TYW1: variants seen among roughly 807,000 people sequenced by gnomAD.
TYW1 encodes S-adenosyl-L-methionine-dependent tRNA 4-demethylwyosine synthase TYW1.
Under a neutral mutation model 96.2 loss-of-function variants are expected in TYW1, and 46 were observed. That is an observed-to-expected ratio of 0.48 (90% CI 0.38 to 0.61). The LOEUF (loss-of-function observed/expected upper bound fraction) is 0.61, where lower values mean the gene tolerates loss of function less well. Among genes scored for constraint, TYW1 ranks in the 20% least tolerant of loss-of-function variants. The pLI is 0.00. For missense variants in TYW1, 684 were observed against 909.6 expected, an observed-to-expected ratio of 0.75 and a Z score of 3.19; for synonymous variants, 274 against 323.0, an observed-to-expected ratio of 0.85 and a Z score of 1.63.
intron 11 of TYW1, among the ~76,000 whole-genome samples, chr7:67,096,139 C>T (rs1796904506): frequency 6.6e-6 from 1 of 152,150 alleles, no homozygotes; most frequent in Non-Finnish European, 1.5e-5. Flanking sequence ...CCTGTAATCC[C>T]AGCACTTTGG....
At chr7:67,072,941 T>G (rs1256748152) in intron 10 of TYW1, among the ~76,000 whole-genome samples, 2 of 110,140 alleles carry the variant, frequency 1.8e-5, no homozygotes, top group East Asian at 2.1e-4. Context: ...CCAGTTTTTT[T>G]TTTTTTTTTT....
intron 9 of TYW1, among the ~76,000 whole-genome samples, chr7:67,058,921 T>G (rs1795611952): frequency 6.6e-6 from 1 of 152,146 alleles, no homozygotes; most frequent in Non-Finnish European, 1.5e-5. Flanking sequence ...TGAAGACTTT[T>G]GTCAACCTGA....
chr7:67,237,368 C>T (rs4718494), intron 15 of TYW1, among the ~76,000 whole-genome samples: 40,448 of 151,620 alleles, frequency 0.27, 5,687 homozygotes, highest in African/African-American at 0.36. Context: ...GGTGTGCTGG[C>T]AGGAGCCAGT....
At chr7:67,237,818 A>G (rs1385038690) in intron 15 of TYW1, among the ~76,000 whole-genome samples, 1 of 152,196 alleles carries the variant, frequency 6.6e-6, no homozygotes, top group Non-Finnish European at 1.5e-5. Flanking sequence ...TTAGGCCAGA[A>G]AAGCTAGTTT....
At chr7:67,115,673 CT>C (rs1288814072) in intron 12 of TYW1, among the ~76,000 whole-genome samples, 2 of 152,070 alleles carry the variant, frequency 1.3e-5, no homozygotes, top group African/African-American at 2.4e-5. Flanking sequence ...TAATATCTGC[CT>C]GTGTGGCTGG....
chr7:67,224,549 T>A (rs1801496645), intron 15 of TYW1, among the ~76,000 whole-genome samples: 1 of 152,242 alleles, frequency 6.6e-6, no homozygotes, highest in African/African-American at 2.4e-5. Flanking sequence ...AACTTAGCCT[T>A]CTTTTTTCTC....
At chr7:67,029,413 G>GTATATATATATATA (rs1430069945) in intron 7 of TYW1, among the ~76,000 whole-genome samples, 1 of 93,456 alleles carries the variant, frequency 1.1e-5, no homozygotes, top group African/African-American at 3.8e-5. Flanking sequence ...GTGTGTGTGT[G>GTATATATATATATA]TGTATATATA....
intron 12 of TYW1, among the ~76,000 whole-genome samples, chr7:67,099,728 C>T (rs1325927096): frequency 4.6e-5 from 7 of 152,172 alleles, no homozygotes; most frequent in African/African-American, 9.7e-5. Context: ...TTAAGCCAGG[C>T]GCGGTGGCTC....
chr7:67,051,723 TG>T (rs1562985903), intron 8 of TYW1, among the ~76,000 whole-genome samples: 21 of 136,312 alleles, frequency 1.5e-4, no homozygotes, highest in South Asian at 1.4e-3. Flanking sequence ...GGACTGTTTT[TG>T]TTTTTTTGTT....
chr7:67,071,005 C>A (rs1349000222), intron 10 of TYW1, among the ~76,000 whole-genome samples: 1 of 151,812 alleles, frequency 6.6e-6, no homozygotes. Flanking sequence ...GTGGTGGGCG[C>A]CTGTAGTCCC....
chr7:66,997,105 C>T, intron 1 of TYW1, 123 bp downstream of exon 1: 2 of 1,544,088 alleles, frequency 1.3e-6, no homozygotes, highest in Non-Finnish European at 1.8e-6. Flanking sequence ...CACTTGACAG[C>T]ACCGGCTAGT....
At chr7:67,008,167 C>T (rs1170766743) in intron 3 of TYW1, among the ~76,000 whole-genome samples, 1 of 152,100 alleles carries the variant, frequency 6.6e-6, no homozygotes, top group Non-Finnish European at 1.5e-5. Flanking sequence ...AATGGAAGAG[C>T]TGCACAGGGC....
intron 13 of TYW1, among the ~76,000 whole-genome samples, chr7:67,130,427 A>C (rs1271714709): frequency 6.6e-6 from 1 of 151,944 alleles, no homozygotes; most frequent in Non-Finnish European, 1.5e-5. Flanking sequence ...GAATCCCAGC[A>C]CTTTGGGAGA....
intron 15 of TYW1, among the ~76,000 whole-genome samples, chr7:67,224,460 C>T (rs1158156986): frequency 6.6e-6 from 1 of 152,198 alleles, no homozygotes; most frequent in Non-Finnish European, 1.5e-5. Context: ...GTACATACCA[C>T]TTTCTCAGTT....
intron 13 of TYW1, among the ~76,000 whole-genome samples, chr7:67,135,431 A>G (rs920228617): frequency 6.7e-6 from 1 of 150,066 alleles, no homozygotes; most frequent in Non-Finnish European, 1.5e-5. Flanking sequence ...CAGCTTCCCA[A>G]GTATCTGAGA....
At position 67,018,092 on chromosome 7, in the gene TYW1, G is replaced by C. The variant is rs753980922; in HGVS notation, c.810G>C (p.Glu270Asp). Residue 270 changes from glutamate (E) to aspartate (D), a missense_variant, in exon 6 of 16, where the codon GAG (glutamate) becomes GAC (aspartate). Coordinates refer to ENST00000359626, the MANE Select transcript of TYW1 (RefSeq NM_018264.4). Reference protein sequence around the residue: ...KCESHQHGSEEREEGSHEQDE... With the variant: ...KCESHQHGSEDREEGSHEQDE... ...AATCTCACCAACATGGCTCAGAGGA[G>C]AGGGAGGAAGGATCTCATGAGCAGG... is the stretch of plus-strand genomic sequence containing the variant. 1 of 1,614,134 alleles carries C rather than the reference G, an allele frequency of 6.2e-7. No individual in the cohort carries two copies. Among genetic ancestry groups the C allele is most frequent in the East Asian group, 2.2e-5 (1 of 44,882 alleles).
chr7:67,172,985 G>T (rs538913600), intron 13 of TYW1, among the ~76,000 whole-genome samples: 17 of 152,146 alleles, frequency 1.1e-4, no homozygotes, highest in African/African-American at 3.1e-4. Context: ...ACTGGGTATG[G>T]TGATGCACCA....
At chr7:67,156,487 C>A (rs1280160465) in intron 13 of TYW1, among the ~76,000 whole-genome samples, 5 of 152,194 alleles carry the variant, frequency 3.3e-5, no homozygotes, top group Non-Finnish European at 7.4e-5. Flanking sequence ...GACTGTGGCC[C>A]TAGGCAGGTA....
At chr7:67,194,728 T>C in intron 14 of TYW1, among the ~76,000 whole-genome samples, 1 of 150,540 alleles carries the variant, frequency 6.6e-6, no homozygotes, top group East Asian at 1.9e-4. Flanking sequence ...AAGCTCAGCT[T>C]ATTTTCCCAG....
Sources: allele counts gnomAD v4.1 joint callset (sites outside exome capture counted in the v4.1 genomes callset), GRCh38; gene constraint gnomAD v4.1.1; transcripts MANE v1.5; gene names NCBI Gene and HGNC (gene_info 2026-07-23, HGNC 2026-07-21).